SMAP1: variants seen among roughly 807,000 people sequenced by gnomAD.
The protein encoded by SMAP1 is small ArfGAP 1, also known as stromal membrane-associated protein 1.
A neutral mutation model predicts 58.5 loss-of-function variants in SMAP1; 24 were observed. That is an observed-to-expected ratio of 0.41 (90% CI 0.30 to 0.58). SMAP1 has a LOEUF of 0.58. Ranked by LOEUF, SMAP1 falls within the 20% of genes least tolerant of loss-of-function variation. The pLI, the probability that SMAP1 is intolerant of heterozygous loss-of-function variation, is 0.29. For synonymous variants in SMAP1, 216 were observed against 196.6 expected (o/e 1.10, Z -0.82); for missense variants, 563 against 566.3 (o/e 0.99, Z 0.06).
intron 6 of SMAP1, among the ~76,000 whole-genome samples, chr6:70,821,624 T>TA (rs1769895372): frequency 6.6e-6 from 1 of 152,172 alleles, no homozygotes; most frequent in Non-Finnish European, 1.5e-5. Flanking sequence ...GCTCTGTTCT[T>TA]ACTGTTTTGT....
intron 5 of SMAP1, among the ~76,000 whole-genome samples, chr6:70,796,491 G>C (rs904848724): frequency 6.6e-6 from 1 of 152,186 alleles, no homozygotes; most frequent in African/African-American, 2.4e-5. Context: ...ACAATAAGGT[G>C]CTTATCACCT....
At position 70,719,570 on chromosome 6, in the gene SMAP1, G is replaced by A. The variant is rs547816207; in HGVS notation, c.119-12808G>A. On this transcript the variant is annotated intron_variant, in intron 1 of 10. Coordinates refer to ENST00000370455, the MANE Select transcript of SMAP1 (RefSeq NM_001044305.3). ...CTCCTATATCCCTGAATATTTCAGC[G>A]TTTGTCTCCTGTATCAGTCGGTTTT... is the stretch of plus-strand genomic sequence containing the variant. Among the ~76,000 whole-genome samples, 10 of 152,194 alleles carry A rather than the reference G, an allele frequency of 6.6e-5. No individual in the cohort carries two copies. In the East Asian group the frequency reaches 9.6e-4, roughly 15 times the overall value.
chr6:70,861,608 T>G lies in SMAP1; in HGVS notation c.*1274T>G. The G allele has an allele frequency of 6.6e-7, 1 of 1,515,632 alleles. No homozygotes were observed. Among genetic ancestry groups the G allele is most frequent in the Non-Finnish European group, 9.1e-7 (1 of 1,097,266 alleles). 93.9% of individuals were successfully genotyped at this position (1,515,632 alleles called of 1,614,324 possible). A position where few individuals can be genotyped will look rare whatever the true frequency, so the allele number is the denominator to read the frequency against. ...TGCTCTGTAGCCTAAACTCCAAACA[T>G]CCTCTTCCATATGGATCCACTGGCT... is the stretch of plus-strand genomic sequence containing the variant. On this transcript the variant is annotated 3_prime_UTR_variant, in exon 11 of 11. Transcript: ENST00000370455.
chr6:70,808,891 A>C (rs1769261185), intron 6 of SMAP1, among the ~76,000 whole-genome samples: 1 of 134,192 alleles, frequency 7.5e-6, no homozygotes, highest in African/African-American at 2.9e-5. Context: ...TTTCTAGTGC[A>C]GGCTGTTTCC....
At chr6:70,711,404 G>A (rs1300240621) in intron 1 of SMAP1, among the ~76,000 whole-genome samples, 2 of 152,040 alleles carry the variant, frequency 1.3e-5, no homozygotes, top group African/African-American at 4.8e-5. Flanking sequence ...GAGCCTGACT[G>A]TATTTTATTC....
chr6:70,741,989 G>A (rs1302914034), intron 2 of SMAP1, among the ~76,000 whole-genome samples: 1 of 152,194 alleles, frequency 6.6e-6, no homozygotes, highest in African/African-American at 2.4e-5. Context: ...AGGGTACCAA[G>A]TCCCTAGGCT....
chr6:70,774,302 A>G (rs530507873), intron 4 of SMAP1, among the ~76,000 whole-genome samples: 9 of 152,142 alleles, frequency 5.9e-5, no homozygotes, highest in Non-Finnish European at 1.3e-4. Flanking sequence ...AAATTTTCTC[A>G]TCCAAGTTAA....
At chr6:70,832,591 A>G (rs1178724941) in intron 6 of SMAP1, among the ~76,000 whole-genome samples, 2 of 152,198 alleles carry the variant, frequency 1.3e-5, no homozygotes, top group African/African-American at 4.8e-5. Flanking sequence ...TTTATAAACA[A>G]AAGAAGTTTA....
chr6:70,700,051 G>C (rs1767563224), intron 1 of SMAP1, among the ~76,000 whole-genome samples: 1 of 152,080 alleles, frequency 6.6e-6, no homozygotes, highest in African/African-American at 2.4e-5. Flanking sequence ...GGCCTGGTGG[G>C]AGGTTTGTGG....
intron 1 of SMAP1, among the ~76,000 whole-genome samples, chr6:70,686,728 C>G (rs933938903): frequency 6.6e-6 from 1 of 152,160 alleles, no homozygotes; most frequent in Non-Finnish European, 1.5e-5. Context: ...TAACATATAT[C>G]TGCCCTCTGC....
Position 70,860,459 on chromosome 6 carries a change from A to C in SMAP1, c.*125A>C. The C allele has an allele frequency of 8.6e-7, 1 of 1,164,848 alleles. No homozygotes were observed. Among genetic ancestry groups the C allele is most frequent in the African/African-American group, 1.6e-5 (1 of 64,334 alleles). The allele number at this position is 1,164,848 out of a possible 1,614,324, so 72.2% of individuals were successfully genotyped here. A position where few individuals can be genotyped will look rare whatever the true frequency, so the allele number is the denominator to read the frequency against. ...TACCCATTTGTTCATATTAAGAATG[A>C]TCTGATTGACCGTGTTGGTCTGTAC... On this transcript the variant is annotated 3_prime_UTR_variant, in exon 11 of 11. Coordinates refer to ENST00000370455, the MANE Select transcript of SMAP1 (RefSeq NM_001044305.3).
intron 6 of SMAP1, among the ~76,000 whole-genome samples, chr6:70,814,501 C>T (rs892110178): frequency 6.6e-6 from 1 of 152,096 alleles, no homozygotes; most frequent in East Asian, 1.9e-4. Context: ...TGAAACTTTC[C>T]CTTTTAGATT....
intron 4 of SMAP1, among the ~76,000 whole-genome samples, chr6:70,776,668 T>A (rs1015397921): frequency 2.6e-5 from 4 of 152,222 alleles, no homozygotes; most frequent in African/African-American, 9.6e-5. Flanking sequence ...TACCCTTTAA[T>A]GTCCATAGTT....
chr6:70,847,268 A>C (rs1165129864), intron 7 of SMAP1, among the ~76,000 whole-genome samples: 3 of 152,162 alleles, frequency 2.0e-5, no homozygotes, highest in Non-Finnish European at 4.4e-5. Context: ...TCTTTCTAAC[A>C]TCTCTCAGTG....
intron 7 of SMAP1, among the ~76,000 whole-genome samples, chr6:70,845,506 C>T (rs775232145): frequency 6.6e-6 from 1 of 152,158 alleles, no homozygotes; most frequent in Non-Finnish European, 1.5e-5. Context: ...TTTCTTGCTG[C>T]AGCTAGAGGA....
intron 7 of SMAP1, chr6:70,837,769 CTT>C: frequency 2.6e-6 from 3 of 1,151,560 alleles, no homozygotes; most frequent in South Asian, 3.7e-5. Context: ...TTAAATTTTT[CTT>C]TTTTTTTAGT....
intron 3 of SMAP1, among the ~76,000 whole-genome samples, chr6:70,764,629 G>A (rs962982428): frequency 3.9e-5 from 6 of 152,126 alleles, no homozygotes; most frequent in Non-Finnish European, 5.9e-5. Context: ...TAAGTCCACC[G>A]TTGAGACCTG....
intron 6 of SMAP1, among the ~76,000 whole-genome samples, chr6:70,805,329 G>A (rs897844159): frequency 1.3e-4 from 19 of 151,980 alleles, no homozygotes; most frequent in African/African-American, 4.1e-4. Flanking sequence ...CAAAGTTCTC[G>A]TGCCATGGCT....
intron 7 of SMAP1, among the ~76,000 whole-genome samples, chr6:70,852,127 C>A (rs1771208451): frequency 6.6e-6 from 1 of 151,992 alleles, no homozygotes; most frequent in African/African-American, 2.4e-5. Flanking sequence ...CCACCTTAGC[C>A]CCTTATCTCA....
Sources: gnomAD v4.1 joint callset for allele counts (sites outside exome capture counted in the v4.1 genomes callset) on GRCh38, gnomAD v4.1.1 for gene constraint, MANE v1.5 for transcripts, NCBI Gene and HGNC (gene_info 2026-07-23, HGNC 2026-07-21) for gene names.